Variants in SLC35F4 observed in about 807,000 individuals in gnomAD.
The protein encoded by SLC35F4 is chromosome 14 open reading frame 36.
SLC35F4 carries 24 observed loss-of-function variants against 44.2 expected under a neutral mutation model. That is an observed-to-expected ratio of 0.54 (90% CI 0.39 to 0.76). The LOEUF (loss-of-function observed/expected upper bound fraction) is 0.76. Among genes scored for constraint, SLC35F4 ranks in the 30% least tolerant of loss-of-function variants. The probability of loss-of-function intolerance (pLI) is 0.00; values close to 1 mark genes in which losing one functional copy is unlikely to be tolerated. For missense variants in SLC35F4, 562 were observed against 586.1 expected (o/e 0.96, Z 0.42); for synonymous variants, 238 against 223.6 (o/e 1.06, Z -0.57).
At chr14:57,635,818 T>C (rs1016302410) in intron 1 of SLC35F4, among the ~76,000 whole-genome samples, 2 of 152,134 alleles carry the variant, frequency 1.3e-5, no homozygotes, top group African/African-American at 4.8e-5. Context: ...TTAAATAAGT[T>C]TGAGAAATTG....
chr14:57,841,306 A>C (rs17093756), intron 1 of SLC35F4, among the ~76,000 whole-genome samples: 5,195 of 152,242 alleles, frequency 0.034, 324 homozygotes, highest in East Asian at 0.25. Flanking sequence ...GAGACCAGGC[A>C]AAAGGGGTTT....
Position 57,589,377 on chromosome 14 carries a change from CCAAGATGATGATACTGA to C in SLC35F4, c.409_425del (p.Ser137GlyfsTer12), listed in dbSNP as rs1213569552. 6.2e-7 allele frequency: 1 copy of C among 1,613,884 alleles called. No homozygotes were observed. ...TTTTTACAATCTGTGTAGTTCCAAC[CCAAGATGATGATACTGA>C]CAAGATGATCAAGAGTCCCCAGATG... On this transcript the variant is annotated frameshift_variant, in exon 3 of 8. Transcript: ENST00000556826. LOFTEE classifies it high-confidence loss of function.
At chr14:57,576,794 A>G (rs991938453) in intron 4 of SLC35F4, among the ~76,000 whole-genome samples, 2 of 152,182 alleles carry the variant, frequency 1.3e-5, no homozygotes, top group Admixed American at 1.3e-4. Flanking sequence ...TCCATTTGAA[A>G]ATGATCTCAG....
chr14:57,567,794 T>C (rs1566622466), intron 6 of SLC35F4, among the ~76,000 whole-genome samples: 1 of 152,170 alleles, frequency 6.6e-6, no homozygotes, highest in Non-Finnish European at 1.5e-5. Flanking sequence ...CTAGCCTGAG[T>C]TTAAGTGCAA....
intron 1 of SLC35F4, among the ~76,000 whole-genome samples, chr14:57,907,647 T>G (rs1360859065): frequency 6.6e-6 from 1 of 152,154 alleles, no homozygotes; most frequent in African/African-American, 2.4e-5. Flanking sequence ...AAACAGTTCT[T>G]TTGTATACAT....
chr14:57,822,502 G>T (rs1046351194), intron 1 of SLC35F4, among the ~76,000 whole-genome samples: 1 of 152,046 alleles, frequency 6.6e-6, no homozygotes, highest in Non-Finnish European at 1.5e-5. Flanking sequence ...AAAAATTCTG[G>T]TTGTTAGCCA....
At chr14:57,807,306 C>T (rs1881441700) in intron 1 of SLC35F4, among the ~76,000 whole-genome samples, 1 of 152,010 alleles carries the variant, frequency 6.6e-6, no homozygotes, top group Non-Finnish European at 1.5e-5. Context: ...GGAATTCTGC[C>T]CCAGCTGGTG....
chr14:57,773,056 G>T (rs1303113721), intron 1 of SLC35F4, among the ~76,000 whole-genome samples: 6 of 152,106 alleles, frequency 3.9e-5, no homozygotes, highest in Non-Finnish European at 8.8e-5. Context: ...CATTATGACT[G>T]AGGTAAGGTA....
chr14:57,894,521 T>C (rs894348630), intron 1 of SLC35F4, among the ~76,000 whole-genome samples: 1 of 152,052 alleles, frequency 6.6e-6, no homozygotes, highest in Non-Finnish European at 1.5e-5. Flanking sequence ...TGCATAACAA[T>C]AAAAATAACA....
rs147812401 is a variant in SLC35F4, at chr14:57,954,653, G to A, written n.282+27260C>T. ...CAGAGAATACTATAAACACCTCCAT[G>A]CAAATAAACTAGAAAATCTAAAAGA... On this transcript the variant is annotated intron_variant and non_coding_transcript_variant, in intron 1 of 1. Coordinates refer to the SLC35F4 transcript ENST00000556568. Among the ~76,000 whole-genome samples, 406 of 152,172 alleles carry A rather than the reference G, an allele frequency of 2.7e-3. 9 individuals carry two copies. Among genetic ancestry groups the A allele is most frequent in the Admixed American group, 0.023 (350 of 15,274 alleles).
chr14:57,940,404 GTTTT>G (rs767501515), intron 1 of SLC35F4, among the ~76,000 whole-genome samples: 1 of 150,790 alleles, frequency 6.6e-6, no homozygotes, highest in South Asian at 2.1e-4. Flanking sequence ...CCCTAAAATT[GTTTT>G]TTTTTAAGTT....
At chr14:57,671,509 G>A (rs1015799575) in intron 1 of SLC35F4, among the ~76,000 whole-genome samples, 4 of 151,976 alleles carry the variant, frequency 2.6e-5, no homozygotes, top group Admixed American at 6.6e-5. Flanking sequence ...GACTTGAAGG[G>A]AAGACCCAGT....
rs761627655 is a variant in SLC35F4, at chr14:57,594,035, A to G, written c.193T>C (p.Ser65Pro). 20 of 1,613,922 alleles carry G rather than the reference A, an allele frequency of 1.2e-5. No individual in the cohort carries two copies. Among genetic ancestry groups the G allele is most frequent in the Non-Finnish European group, 1.4e-5 (17 of 1,179,870 alleles). ...SGISRQLSPLSVTEDSSAPIL... is the reference protein window; with the variant it reads ...SGISRQLSPLPVTEDSSAPIL... ...GGAGCAGAGGAATCTTCGGTGACAG[A>G]CAGTGGGGACAGTTGTCTACTGATG... The change falls in exon 2 of 8, where the codon TCT (serine) becomes CCT (proline). Residue 65 changes from serine to proline, a missense_variant. Coordinates refer to ENST00000556826, the MANE Select transcript of SLC35F4 (RefSeq NM_001306087.2).
At chr14:57,977,893 G>A (rs1446852145) in intron 1 of SLC35F4, among the ~76,000 whole-genome samples, 1 of 152,168 alleles carries the variant, frequency 6.6e-6, no homozygotes. Context: ...GTGGTTCACT[G>A]GGTGTGGAGG....
intron 1 of SLC35F4, among the ~76,000 whole-genome samples, chr14:57,913,421 C>A (rs1269984516): frequency 6.6e-6 from 1 of 152,044 alleles, no homozygotes; most frequent in Non-Finnish European, 1.5e-5. Flanking sequence ...CCGCCCCTTT[C>A]TTAGCACACC....
chr14:57,849,989 A>T (rs1370305625), intron 1 of SLC35F4, among the ~76,000 whole-genome samples: 1 of 152,206 alleles, frequency 6.6e-6, no homozygotes, highest in East Asian at 1.9e-4. Context: ...CAGTGCCTTT[A>T]TCAAATAAAA....
intron 1 of SLC35F4, among the ~76,000 whole-genome samples, chr14:57,922,951 A>G (rs896887545): frequency 1.3e-5 from 2 of 152,236 alleles, no homozygotes; most frequent in Non-Finnish European, 2.9e-5. Flanking sequence ...AGTAGATTTA[A>G]TGGGAAAATT....
intron 1 of SLC35F4, among the ~76,000 whole-genome samples, chr14:57,618,688 G>A (rs1307282734): frequency 3.9e-5 from 6 of 152,184 alleles, no homozygotes; most frequent in Admixed American, 6.5e-5. Flanking sequence ...CAGCGAGCCA[G>A]AACCACTCAC....
At chr14:57,750,610 C>A (rs370466183) in intron 1 of SLC35F4, among the ~76,000 whole-genome samples, 26 of 152,268 alleles carry the variant, frequency 1.7e-4, no homozygotes, top group African/African-American at 6.3e-4. Context: ...TTTTCATTTG[C>A]ATTTCCCTGA....
Sources: gnomAD v4.1 joint callset for allele counts (sites outside exome capture counted in the v4.1 genomes callset) on GRCh38, gnomAD v4.1.1 for gene constraint, MANE v1.5 for transcripts, NCBI Gene and HGNC (gene_info 2026-07-23, HGNC 2026-07-21) for gene names.